KCNK13: variants seen among roughly 807,000 people sequenced by gnomAD.
KCNK13 encodes potassium channel subfamily K member 13.
Under a neutral mutation model 23.4 loss-of-function variants are expected in KCNK13, and 12 were observed. The observed-to-expected ratio is 0.51, with a 90% confidence interval of 0.33 to 0.83. The LOEUF (loss-of-function observed/expected upper bound fraction) is 0.83, where lower values mean the gene tolerates loss of function less well. Ranked by LOEUF, KCNK13 falls within the 40% of genes least tolerant of loss-of-function variation. The probability of loss-of-function intolerance (pLI) is 0.02; values close to 1 mark genes in which losing one functional copy is unlikely to be tolerated. For synonymous variants in KCNK13, 231 were observed against 229.5 expected (o/e 1.01, Z -0.06); for missense variants, 463 against 556.3 (o/e 0.83, Z 1.69).
At chr14:90,158,768 C>T (rs887065706) in intron 1 of KCNK13, among the ~76,000 whole-genome samples, 3 of 152,154 alleles carry the variant, frequency 2.0e-5, no homozygotes, top group Admixed American at 1.3e-4. Context: ...CCTCATGCTG[C>T]GTATGTCCTA....
At chr14:90,147,364 C>T (rs1332351649) in intron 1 of KCNK13, among the ~76,000 whole-genome samples, 1 of 152,178 alleles carries the variant, frequency 6.6e-6, no homozygotes, top group African/African-American at 2.4e-5. Flanking sequence ...GCGATCCCCC[C>T]TCAGCCTCCT....
At chr14:90,084,226 A>G (rs1466544078) in intron 1 of KCNK13, among the ~76,000 whole-genome samples, 1 of 152,176 alleles carries the variant, frequency 6.6e-6, no homozygotes, top group Non-Finnish European at 1.5e-5. Context: ...CATTGAATTA[A>G]TTTGGGGAAT....
intron 1 of KCNK13, among the ~76,000 whole-genome samples, chr14:90,068,919 T>C (rs970506591): frequency 1.3e-5 from 2 of 151,864 alleles, no homozygotes; most frequent in Non-Finnish European, 2.9e-5. Context: ...TGCAGGGATG[T>C]GCCGGGCTCA....
In KCNK13 at chr14:90,185,796, T is replaced by C. The variant is rs963488905; in HGVS notation, c.*793T>C. ...TTTTTACCAGGGCTTGGGGACCCAATGCAAAGATGATGACTATTTAATAAA... is the reference window on the plus strand; with the variant it reads ...TTTTTACCAGGGCTTGGGGACCCAACGCAAAGATGATGACTATTTAATAAA... On this transcript the variant is annotated 3_prime_UTR_variant, in exon 2 of 2. Coordinates refer to ENST00000282146, the MANE Select transcript of KCNK13 (RefSeq NM_022054.4). 6 of 152,174 alleles carry C rather than the reference T, an allele frequency of 3.9e-5. No homozygotes were observed. The highest frequency in any genetic ancestry group is 7.3e-5 in the Non-Finnish European group (5 of 68,034). The allele number at this position is 152,174 out of a possible 1,614,324, so 9.4% of individuals were successfully genotyped here.
intron 1 of KCNK13, among the ~76,000 whole-genome samples, chr14:90,097,473 G>A (rs991551659): frequency 2.0e-5 from 3 of 152,060 alleles, no homozygotes; most frequent in Non-Finnish European, 4.4e-5. Flanking sequence ...CATTCATGAG[G>A]GATCTGCCCC....
intron 1 of KCNK13, among the ~76,000 whole-genome samples, chr14:90,131,854 G>A (rs552390210): frequency 3.8e-4 from 58 of 152,192 alleles, no homozygotes; most frequent in Non-Finnish European, 7.6e-4. Flanking sequence ...ATGGTGCAAC[G>A]GCTACAGAAA....
chr14:90,109,554 G>A (rs1889589284), intron 1 of KCNK13, among the ~76,000 whole-genome samples: 1 of 151,100 alleles, frequency 6.6e-6, no homozygotes. Context: ...GACTACGGGT[G>A]CCCACCACCA....
chr14:90,123,047 G>A (rs1889757638), intron 1 of KCNK13, among the ~76,000 whole-genome samples: 1 of 152,178 alleles, frequency 6.6e-6, no homozygotes, highest in African/African-American at 2.4e-5. Flanking sequence ...GGTCACAGCT[G>A]CTTTAATTGT....
At chr14:90,151,702 C>A (rs1415576648) in intron 1 of KCNK13, among the ~76,000 whole-genome samples, 3 of 152,088 alleles carry the variant, frequency 2.0e-5, no homozygotes, top group African/African-American at 7.2e-5. Flanking sequence ...AAATCATTGC[C>A]AAAACCAATG....
At chr14:90,151,158 T>G (rs74802725) in intron 1 of KCNK13, among the ~76,000 whole-genome samples, 9,881 of 152,192 alleles carry the variant, frequency 0.065, 410 homozygotes, top group South Asian at 0.21. Flanking sequence ...AAATGTCTTT[T>G]CTTTATAAAT....
chr14:90,178,005 C>T (rs1452961529), intron 1 of KCNK13, among the ~76,000 whole-genome samples: 1 of 152,118 alleles, frequency 6.6e-6, no homozygotes, highest in Non-Finnish European at 1.5e-5. Flanking sequence ...GCTGCAGACA[C>T]ACTGCAGACA....
intron 1 of KCNK13, among the ~76,000 whole-genome samples, chr14:90,172,592 ACACT>A (rs1241592943): frequency 6.6e-6 from 1 of 151,786 alleles, no homozygotes; most frequent in African/African-American, 2.4e-5. Flanking sequence ...TAACCATAAA[ACACT>A]TCAGTGTAAA....
chr14:90,177,631 G>A (rs745809988), intron 1 of KCNK13, among the ~76,000 whole-genome samples: 1 of 152,176 alleles, frequency 6.6e-6, no homozygotes, highest in Non-Finnish European at 1.5e-5. Context: ...ACACAAAGTA[G>A]GAAACCATTT....
intron 1 of KCNK13, among the ~76,000 whole-genome samples, chr14:90,064,776 T>C (rs781039411): frequency 3.9e-5 from 6 of 152,236 alleles, no homozygotes; most frequent in Non-Finnish European, 8.8e-5. Context: ...GGCTGATTTT[T>C]ATTTCTCATT....
At chr14:90,120,412 T>G (rs1225671512) in intron 1 of KCNK13, among the ~76,000 whole-genome samples, 3 of 152,100 alleles carry the variant, frequency 2.0e-5, no homozygotes, top group Admixed American at 2.0e-4. Context: ...TTGGGTAACT[T>G]ATAAAGAAAA....
At chr14:90,153,939 C>G (rs537635069) in intron 1 of KCNK13, among the ~76,000 whole-genome samples, 27 of 152,266 alleles carry the variant, frequency 1.8e-4, no homozygotes, top group South Asian at 6.2e-4. Context: ...CTGGCGTCAC[C>G]AGGTGGTGGT....
chr14:90,136,158 G>A (rs900309205), intron 1 of KCNK13, among the ~76,000 whole-genome samples: 11 of 152,070 alleles, frequency 7.2e-5, no homozygotes, highest in African/African-American at 1.7e-4. Flanking sequence ...GATGGGACAA[G>A]CAGAAGGCTG....
intron 1 of KCNK13, among the ~76,000 whole-genome samples, chr14:90,165,976 A>G (rs1267878698): frequency 2.0e-5 from 3 of 152,246 alleles, no homozygotes; most frequent in African/African-American, 7.2e-5. Flanking sequence ...TTCTGAGTGC[A>G]AGAACTACTG....
At chr14:90,077,366 C>T (rs1889152287) in intron 1 of KCNK13, among the ~76,000 whole-genome samples, 1 of 152,068 alleles carries the variant, frequency 6.6e-6, no homozygotes, top group Admixed American at 6.5e-5. Context: ...GGTGATCCGC[C>T]CGCCTCGGCC....
Sources: allele counts gnomAD v4.1 joint callset (sites outside exome capture counted in the v4.1 genomes callset), GRCh38; gene constraint gnomAD v4.1.1; transcripts MANE v1.5; gene names NCBI Gene and HGNC (gene_info 2026-07-23, HGNC 2026-07-21).